CAPN3: variants seen among roughly 807,000 people sequenced by gnomAD.
CAPN3 encodes calpain 3.
A neutral mutation model predicts 114.0 loss-of-function variants in CAPN3; 88 were observed. The observed-to-expected ratio is 0.77, with a 90% CI of 0.65 to 0.92. The LOEUF is 0.92. CAPN3 is among the 40% of genes least tolerant of loss of function. The pLI, the probability that CAPN3 is intolerant of heterozygous loss-of-function variation, is 0.00. For missense variants in CAPN3, 1,028 were observed against 1,069.0 expected (o/e 0.96, Z 0.53); for synonymous variants, 386 against 382.9 (o/e 1.01, Z -0.09).
Position 42,386,080 on chromosome 15 carries a change from G to A in CAPN3, c.380-87G>A, listed in dbSNP as rs2053396403. 3 of 912,084 alleles carry A rather than the reference G, an allele frequency of 3.3e-6. No individual in the cohort carries two copies. In the African/African-American group the frequency reaches 4.9e-5, roughly 15 times the overall value. 56.5% of individuals were successfully genotyped at this position (912,084 alleles called of 1,614,324 possible). On this transcript the variant is annotated intron_variant, in intron 2 of 23. Coordinates refer to ENST00000397163, the MANE Select transcript of CAPN3 (RefSeq NM_000070.3). ...GGCACCAAGGGAGTCCCCGTTCAGG[G>A]AAGTGGAGTGGCTGGCTGGGATTGG...
In CAPN3 at chr15:42,402,994, C is replaced by A; in HGVS notation, c.1737C>A (p.Asn579Lys). Residue 579 changes from asparagine (N) to lysine (K), a missense_variant, in exon 13 of 24, where the codon AAC (asparagine) becomes AAA (lysine). Asn to Lys is a moderately conservative substitution (Grantham distance 94, BLOSUM62 0). Transcript: ENST00000397163. ...TCCGGGTCTTCTCTGAAAAGAGGAA[C>A]CTCTCTGAGTGAGTGCTGGCCCAGC... is the stretch of plus-strand genomic sequence containing the variant. ...FILRVFSEKR[N>K]LSEEVENTIS... is the part of the protein sequence containing the mutation. 6.2e-7 allele frequency: 1 copy of A among 1,613,976 alleles called. No individual in the cohort carries two copies. The highest frequency in any genetic ancestry group is 8.5e-7 in the Non-Finnish European group (1 of 1,179,830).
chr15:42,410,775 T>C, intron 21 of CAPN3, 109 bp downstream of exon 21: 2 of 1,337,942 alleles, frequency 1.5e-6, no homozygotes, highest in Non-Finnish European at 2.2e-6. Flanking sequence ...GGGAAAGGGC[T>C]TCTCACTTTC....
chr15:42,403,661 G>A (rs1027211303), intron 13 of CAPN3, 80 bp from the exon 14 acceptor site: 23 of 1,340,020 alleles, frequency 1.7e-5, no homozygotes, highest in African/African-American at 4.3e-5. Flanking sequence ...CCAGGAAGCC[G>A]TGCACCAGAG....
chr15:42,411,751 T>G lies in CAPN3; in HGVS notation c.2444T>G (p.Leu815Arg). The G allele has an allele frequency of 6.5e-7, 1 of 1,538,226 alleles. No individual in the cohort carries two copies. Residue 815 changes from leucine to arginine, a missense_variant, in exon 24 of 24, where the codon CTG becomes CGG. Transcript: ENST00000397163. ...TGATCTTGGGACTTCTTTCAGTGGC[T>G]GCAGCTCACCATGTATGCCTGAACC... ...GIIKLNVLEW[L>R]QLTMYA
At chr15:42,392,596 T>A (rs751269116) in intron 6 of CAPN3, 43 bp from the exon 7 acceptor site, 2 of 1,502,314 alleles carry the variant, frequency 1.3e-6, no homozygotes, top group Non-Finnish European at 9.3e-7. Flanking sequence ...GCAGAACTTC[T>A]GTTCCCCCGC....
intron 4 of CAPN3, among the ~76,000 whole-genome samples, 170 bp downstream of exon 4, chr15:42,388,056 G>C (rs2053451585): frequency 1.3e-5 from 2 of 152,182 alleles, no homozygotes; most frequent in Non-Finnish European, 2.9e-5. Context: ...GGCAACAACA[G>C]CTCTAACTAA....
intron 9 of CAPN3, among the ~76,000 whole-genome samples, chr15:42,398,802 T>TG (rs1195983735): frequency 2.8e-5 from 4 of 143,290 alleles, no homozygotes; most frequent in Non-Finnish European, 4.6e-5. Flanking sequence ...TTTTTTTTTT[T>TG]GAGACAGAGT....
rs1414687788 is a variant in CAPN3, at chr15:42,389,037, A to G, written c.742A>G (p.Met248Val). Residue 248 changes from methionine to valine, a missense_variant, in exon 5 of 24, where the codon ATG (methionine) becomes GTG (valine). Physicochemically the swap from Met to Val is conservative, Grantham distance 21. Transcript: ENST00000397163. ...TGAGATCAGGGATGCTCCTAGTGAC[A>G]TGTACAAGATCATGAAGAAAGCCAT... ...FFEIRDAPSD[M>V]YKIMKKAIER... 1.9e-6 allele frequency: 3 copies of G among 1,613,998 alleles called. No homozygotes were observed. The highest frequency in any genetic ancestry group is 2.5e-6 in the Non-Finnish European group (3 of 1,180,016).
chr15:42,398,620 C>T (rs960202091), intron 9 of CAPN3, among the ~76,000 whole-genome samples: 1 of 149,396 alleles, frequency 6.7e-6, no homozygotes, highest in Admixed American at 6.7e-5. Context: ...CACACACACA[C>T]ACACACACAC....
intron 1 of CAPN3, among the ~76,000 whole-genome samples, chr15:42,376,987 A>G (rs777497387): frequency 6.6e-6 from 1 of 152,206 alleles, no homozygotes; most frequent in Non-Finnish European, 1.5e-5. Context: ...GGTATATAGA[A>G]AACTAATTGG....
chr15:42,377,508 G>T (rs1017187022), intron 1 of CAPN3, among the ~76,000 whole-genome samples: 2 of 152,126 alleles, frequency 1.3e-5, no homozygotes, highest in African/African-American at 4.8e-5. Context: ...AACAAACCTT[G>T]TACCTCAAAT....
chr15:42,397,012 G>A, intron 9 of CAPN3, 135 bp downstream of exon 9: 1 of 706,628 alleles, frequency 1.4e-6, no homozygotes, highest in Non-Finnish European at 2.5e-6. Context: ...TCCAGCCCAA[G>A]GCCCAGCAAG....
At chr15:42,375,757 C>T (rs887195093) in intron 1 of CAPN3, among the ~76,000 whole-genome samples, 2 of 152,234 alleles carry the variant, frequency 1.3e-5, no homozygotes, top group Non-Finnish European at 2.9e-5. Flanking sequence ...CTATTACCAA[C>T]ATCTTGCATT....
Position 42,409,988 on chromosome 15 carries a change from T to C in CAPN3, c.2108T>C (p.Leu703Pro). 2.5e-6 allele frequency: 4 copies of C among 1,611,788 alleles called. No individual in the cohort carries two copies. Among genetic ancestry groups the C allele is most frequent in the Non-Finnish European group, 3.4e-6 (4 of 1,179,674 alleles). The change falls in exon 19 of 24, where the codon CTC becomes CCC. Residue 703 changes from leucine to proline, a missense_variant. Transcript: ENST00000397163. ...TLESCRSMIA[L>P]MDTDGSGKLN... ...GAGTCCTGCCGTAGCATGATTGCGCTCATGGATGTATCCTTCCTGCCGCCC... is the reference window on the plus strand; with the variant it reads ...GAGTCCTGCCGTAGCATGATTGCGCCCATGGATGTATCCTTCCTGCCGCCC...
At chr15:42,401,514 T>G in intron 10 of CAPN3, 127 bp from the exon 11 acceptor site, 5 of 372,058 alleles carry the variant, frequency 1.3e-5, no homozygotes, top group East Asian at 1.1e-4. Context: ...GCCTGAATCG[T>G]GTTTTCTGTT....
intron 1 of CAPN3, among the ~76,000 whole-genome samples, chr15:42,382,872 G>A (rs1272916643): frequency 6.6e-6 from 1 of 152,074 alleles, no homozygotes; most frequent in Non-Finnish European, 1.5e-5. Flanking sequence ...TTTGCTTTCA[G>A]CTTTTACAGA....
At position 42,390,110 on chromosome 15, in the gene CAPN3, C is replaced by T. The variant is rs763112832; in HGVS notation, c.945+14C>T. 192 of 1,613,946 alleles carry T rather than the reference C, an allele frequency of 1.2e-4. 2 individuals are homozygous for T. The Middle Eastern group carries it at 2.5e-3, about 21-fold the overall frequency. On this transcript the variant is annotated intron_variant, in intron 6 of 23. Transcript: ENST00000397163. The stretch of plus-strand genomic sequence containing the variant: ...AGACCGACCCGGGTGTGTACACCTC[C>T]GATTATCAGAACTGACCATCCCTCC...
chr15:42,382,186 T>C (rs1363602184), intron 1 of CAPN3, among the ~76,000 whole-genome samples: 2 of 152,142 alleles, frequency 1.3e-5, no homozygotes, highest in African/African-American at 2.4e-5. Flanking sequence ...TCACTTGTTC[T>C]TTCTCCCTAG....
At chr15:42,407,846 A>C (rs1354167341) in intron 15 of CAPN3, among the ~76,000 whole-genome samples, 1 of 152,052 alleles carries the variant, frequency 6.6e-6, no homozygotes, top group Non-Finnish European at 1.5e-5. Context: ...TTGTGTTTTT[A>C]TATACACCAT....
Sources: gnomAD v4.1 joint callset for allele counts (sites outside exome capture counted in the v4.1 genomes callset) on GRCh38, gnomAD v4.1.1 for gene constraint, MANE v1.5 for transcripts, NCBI Gene and HGNC (gene_info 2026-07-23, HGNC 2026-07-21) for gene names.